The following DIP2B variants were observed in gnomAD, a reference collection of about 807,000 sequenced individuals.
The protein encoded by DIP2B is disco-interacting protein 2 homolog B.
A neutral mutation model predicts 198.0 loss-of-function variants in DIP2B; 76 were observed. That is an observed-to-expected ratio of 0.38 (90% confidence interval 0.32 to 0.46). The LOEUF (loss-of-function observed/expected upper bound fraction) is 0.46, where lower values mean the gene tolerates loss of function less well. DIP2B is among the 20% of genes least tolerant of loss of function. The probability of loss-of-function intolerance (pLI) is 0.99; values close to 1 mark genes in which losing one functional copy is unlikely to be tolerated. For synonymous variants in DIP2B, 701 were observed against 739.1 expected, an observed-to-expected ratio of 0.95 and a Z score of 0.84; for missense variants, 1,559 against 1,978.4, an observed-to-expected ratio of 0.79 and a Z score of 4.02.
chr12:50,741,088 G>C lies in DIP2B; in HGVS notation c.4355-328G>C, dbSNP rs185538430. 2.6e-5 allele frequency among the ~76,000 whole-genome samples: 4 copies of C among 152,312 alleles called. No individual in the cohort carries two copies. The East Asian group carries it at 7.7e-4, about 29-fold the overall frequency. On this transcript the variant is annotated intron_variant, in intron 36 of 37. Transcript: ENST00000301180. Reference sequence around the variant, plus strand: ...ATCTTCAGAGAAGGAATTGGGTTTTGTCAGTTTTGTCTCCCCAGCACATAA... The same window carrying C: ...ATCTTCAGAGAAGGAATTGGGTTTTCTCAGTTTTGTCTCCCCAGCACATAA...
intron 22 of DIP2B, among the ~76,000 whole-genome samples, chr12:50,714,035 G>GTCA (rs1437907288): frequency 3.3e-5 from 5 of 152,250 alleles, no homozygotes; most frequent in Non-Finnish European, 7.3e-5. Flanking sequence ...TTAGGAATTT[G>GTCA]GGGCTGTCAT....
At chr12:50,518,708 G>C (rs1405342727) in intron 1 of DIP2B, among the ~76,000 whole-genome samples, 1 of 151,788 alleles carries the variant, frequency 6.6e-6, no homozygotes, top group African/African-American at 2.4e-5. Flanking sequence ...CATCTTAACT[G>C]GTATGTCTCA....
intron 1 of DIP2B, among the ~76,000 whole-genome samples, chr12:50,589,398 T>C (rs1385134552): frequency 1.3e-5 from 2 of 151,766 alleles, no homozygotes; most frequent in African/African-American, 2.4e-5. Flanking sequence ...GGTTTCACCA[T>C]GTTGGCCAGG....
At chr12:50,579,632 A>C (rs1958698582) in intron 1 of DIP2B, among the ~76,000 whole-genome samples, 1 of 33,564 alleles carries the variant, frequency 3.0e-5, no homozygotes, top group Non-Finnish European at 5.3e-5. Context: ...AAAAAAAAAA[A>C]AAAAAAAAAA....
intron 3 of DIP2B, among the ~76,000 whole-genome samples, chr12:50,656,248 C>A (rs1247761651): frequency 6.6e-6 from 1 of 152,008 alleles, no homozygotes; most frequent in African/African-American, 2.4e-5. Flanking sequence ...CACTGAGTAC[C>A]CCTGCTTCTA....
chr12:50,658,159 C>CA (rs1938586344), intron 3 of DIP2B, among the ~76,000 whole-genome samples: 1 of 151,286 alleles, frequency 6.6e-6, no homozygotes, highest in Non-Finnish European at 1.5e-5. Flanking sequence ...TTTTTTGAGA[C>CA]AGAGTCTTGC....
intron 37 of DIP2B, among the ~76,000 whole-genome samples, chr12:50,742,394 C>CACAAAAAAAAA (rs1940262023): frequency 2.1e-5 from 1 of 47,494 alleles, no homozygotes; most frequent in South Asian, 9.9e-4. Context: ...GAGACTGTCT[C>CACAAAAAAAAA]AAAAAAAAAA....
chr12:50,692,853 A>G, intron 13 of DIP2B, 96 bp from the exon 14 acceptor site: 1 of 1,083,258 alleles, frequency 9.2e-7, no homozygotes, highest in African/African-American at 1.6e-5. Flanking sequence ...AAAAGCAAAC[A>G]AACATCAAAT....
At chr12:50,626,774 C>CT (rs10712216) in intron 2 of DIP2B, among the ~76,000 whole-genome samples, 282 of 132,734 alleles carry the variant, frequency 2.1e-3, no homozygotes, top group African/African-American at 5.0e-3. Context: ...GAACTAATGG[C>CT]TTTTTTTTTT....
At chr12:50,697,748 C>G (rs939554505) in intron 17 of DIP2B, among the ~76,000 whole-genome samples, 2 of 151,416 alleles carry the variant, frequency 1.3e-5, no homozygotes, top group Non-Finnish European at 2.9e-5. Context: ...CCAGGCTGGT[C>G]TCGAATTACT....
At chr12:50,571,548 GTTTT>G (rs71083600) in intron 1 of DIP2B, among the ~76,000 whole-genome samples, 51 of 85,766 alleles carry the variant, frequency 5.9e-4, no homozygotes, top group South Asian at 1.4e-3. Flanking sequence ...AAACCTAGGC[GTTTT>G]TTTTTTTTTT....
intron 22 of DIP2B, among the ~76,000 whole-genome samples, chr12:50,713,139 G>A (rs1359719651): frequency 6.6e-6 from 1 of 151,970 alleles, no homozygotes; most frequent in African/African-American, 2.4e-5. Context: ...ATAGAGATGG[G>A]GTTTTGCCAT....
intron 1 of DIP2B, among the ~76,000 whole-genome samples, chr12:50,606,781 C>T (rs1958985577): frequency 6.6e-6 from 1 of 151,924 alleles, no homozygotes; most frequent in African/African-American, 2.4e-5. Context: ...CAGGCTCATA[C>T]CACAATGCCT....
intron 19 of DIP2B, among the ~76,000 whole-genome samples, chr12:50,700,792 C>T (rs1406613903): frequency 6.6e-6 from 1 of 152,198 alleles, no homozygotes; most frequent in Non-Finnish European, 1.5e-5. Flanking sequence ...TGTTTACTGC[C>T]AGTCTCTTGG....
At chr12:50,716,140 C>T (rs996520692) in intron 23 of DIP2B, among the ~76,000 whole-genome samples, 2 of 152,080 alleles carry the variant, frequency 1.3e-5, no homozygotes, top group Non-Finnish European at 2.9e-5. Flanking sequence ...TCCCAGAATG[C>T]ACAGTTTACA....
chr12:50,719,949 G>T (rs1419777102), intron 25 of DIP2B, among the ~76,000 whole-genome samples: 1 of 148,390 alleles, frequency 6.7e-6, no homozygotes, highest in South Asian at 2.1e-4. Context: ...GTATTTTTTT[G>T]AGATGGAGTC....
intron 1 of DIP2B, among the ~76,000 whole-genome samples, chr12:50,614,568 A>G (rs1009718621): frequency 1.3e-5 from 2 of 152,192 alleles, no homozygotes; most frequent in East Asian, 1.9e-4. Context: ...GACAAATGGC[A>G]TTCATCCAAC....
chr12:50,700,838 G>A (rs775418262), intron 19 of DIP2B, among the ~76,000 whole-genome samples: 1 of 152,160 alleles, frequency 6.6e-6, no homozygotes, highest in Non-Finnish European at 1.5e-5. Context: ...CCTCCCTTGA[G>A]TGTATATACA....
chr12:50,708,063 G>C (rs914845755), intron 21 of DIP2B, among the ~76,000 whole-genome samples: 1 of 151,816 alleles, frequency 6.6e-6, no homozygotes. Context: ...CTGCTCCAAT[G>C]TCCGCTCCTC....
Sources: allele counts gnomAD v4.1 joint callset (sites outside exome capture counted in the v4.1 genomes callset), GRCh38; gene constraint gnomAD v4.1.1; transcripts MANE v1.5; gene names NCBI Gene and HGNC (gene_info 2026-07-23, HGNC 2026-07-21).